ERICH6: variants seen among roughly 807,000 people sequenced by gnomAD.
ERICH6 encodes the protein glutamate-rich protein 6.
ERICH6 carries 71 observed loss-of-function variants against 71.0 expected under a neutral mutation model. The ratio of observed to expected loss-of-function variants is 1.00; its 90% CI spans 0.83 to 1.22. The LOEUF is 1.22. Among genes scored for constraint, ERICH6 ranks in the 50% most tolerant of loss-of-function variants. ERICH6 has a pLI of 0.00. For missense variants in ERICH6, 808 were observed against 797.2 expected (o/e 1.01, Z -0.16); for synonymous variants, 262 against 278.4 (o/e 0.94, Z 0.59).
intron 11 of ERICH6, among the ~76,000 whole-genome samples, chr3:150,672,792 G>A (rs57761942): frequency 0.21 from 32,273 of 151,136 alleles, 4,234 homozygotes; most frequent in African/African-American, 0.38. Context: ...TGGGAGACTG[G>A]GGTGGGAGGA....
chr3:150,699,470 A>C (rs542084262), intron 2 of ERICH6, among the ~76,000 whole-genome samples: 32 of 152,320 alleles, frequency 2.1e-4, no homozygotes, highest in African/African-American at 6.3e-4. Flanking sequence ...GGATCATAGC[A>C]GACTCTCCTA....
chr3:150,678,448 C>A lies in ERICH6; in HGVS notation c.1218G>T (p.Met406Ile), dbSNP rs1711746310. 1 of 1,601,290 alleles carries A rather than the reference C, an allele frequency of 6.2e-7. No homozygotes were observed. Among genetic ancestry groups the A allele is most frequent in the Non-Finnish European group, 8.5e-7 (1 of 1,176,414 alleles). ...TCCGAGAATCACAACAAATGATAGA[C>A]ATGTTACTGTTTCTTAGTTGAAAAT... ...VFDFQLRNSN[M>I]SIICCDSRIA... is the part of the protein sequence containing the mutation. The change falls in exon 10 of 14, where the codon ATG becomes ATT. Residue 406 changes from methionine to isoleucine, a missense_variant. Physicochemically the swap from Met to Ile is conservative, Grantham distance 10 (BLOSUM62 1). Coordinates refer to ENST00000295910, the MANE Select transcript of ERICH6 (RefSeq NM_152394.5).
intron 2 of ERICH6, among the ~76,000 whole-genome samples, chr3:150,699,637 G>C (rs73004855): frequency 0.018 from 2,628 of 148,990 alleles, 72 homozygotes; most frequent in African/African-American, 0.06. Context: ...GAAATAAACA[G>C]AACAATTGAC....
intron 3 of ERICH6, among the ~76,000 whole-genome samples, chr3:150,687,333 C>T (rs1217181976): frequency 6.6e-6 from 1 of 152,170 alleles, no homozygotes; most frequent in Non-Finnish European, 1.5e-5. Flanking sequence ...TTGATTATTT[C>T]AGAAATTTCC....
chr3:150,685,343 C>A (rs1712136839), intron 6 of ERICH6, among the ~76,000 whole-genome samples: 1 of 152,118 alleles, frequency 6.6e-6, no homozygotes, highest in Admixed American at 6.6e-5. Context: ...TGGACCCAGA[C>A]ACACAGAGAG....
chr3:150,661,678 T>C (rs1331408554), intron 13 of ERICH6, among the ~76,000 whole-genome samples: 1 of 152,180 alleles, frequency 6.6e-6, no homozygotes, highest in Non-Finnish European at 1.5e-5. Flanking sequence ...TTATAAAAGA[T>C]ATGTTAATTT....
chr3:150,660,601 C>T (rs1182616845), intron 13 of ERICH6, among the ~76,000 whole-genome samples: 3 of 152,120 alleles, frequency 2.0e-5, no homozygotes, highest in African/African-American at 7.2e-5. Context: ...TAAATGTGCC[C>T]CAACCTCCAG....
intron 13 of ERICH6, among the ~76,000 whole-genome samples, chr3:150,662,186 G>A (rs1011505806): frequency 6.6e-6 from 1 of 152,158 alleles, no homozygotes; most frequent in African/African-American, 2.4e-5. Flanking sequence ...ACTAGGGCGC[G>A]TAATGGGAAC....
rs1711536783 is a variant in ERICH6, at chr3:150,673,422, C to G, written c.1343+534G>C. Among the ~76,000 whole-genome samples the G allele has an allele frequency of 3.3e-5, 5 of 152,278 alleles. No homozygotes were observed. The South Asian group carries it at 1.0e-3, about 32-fold the overall frequency. ...CAGGCTGATCTCAAACCCCTGGGCT[C>G]AAGTAATCCTCCTGCCTCAGCCTCC... On this transcript the variant is annotated intron_variant, in intron 11 of 13. Coordinates refer to ENST00000295910, the MANE Select transcript of ERICH6 (RefSeq NM_152394.5).
chr3:150,686,969 C>T (rs975845049), intron 3 of ERICH6, among the ~76,000 whole-genome samples: 1 of 152,008 alleles, frequency 6.6e-6, no homozygotes, highest in Non-Finnish European at 1.5e-5. Context: ...TCAGGAGTTC[C>T]AGACCAGCCT....
At chr3:150,679,990 C>T (rs555736730) in intron 9 of ERICH6, among the ~76,000 whole-genome samples, 5 of 152,090 alleles carry the variant, frequency 3.3e-5, no homozygotes, top group Admixed American at 2.6e-4. Context: ...TTTTCCATAT[C>T]CAAGCTTGAA....
intron 11 of ERICH6, among the ~76,000 whole-genome samples, chr3:150,671,677 A>T (rs1311471902): frequency 6.6e-6 from 1 of 152,188 alleles, no homozygotes; most frequent in Non-Finnish European, 1.5e-5. Flanking sequence ...CCCAGGTCAG[A>T]GTGCAATGGC....
Position 150,703,632 on chromosome 3 carries a change from G to A in ERICH6, c.267C>T (p.Asp89=), listed in dbSNP as rs17281287. 724,748 of 1,613,424 alleles carry A rather than the reference G, an allele frequency of 0.45. 168,416 individuals are homozygous for A. The highest frequency in any genetic ancestry group is 0.48 in the Non-Finnish European group (566,960 of 1,179,766). ...WKVTDIGDYD[D]DFPDVRPRLA... ...AGCGGGGGCGCACGTCTGGGAAGTCGTCGTCGTAGTCACCGATGTCCGTGA... is the reference window on the plus strand; with the variant it reads ...AGCGGGGGCGCACGTCTGGGAAGTCATCGTCGTAGTCACCGATGTCCGTGA... The change falls in exon 1 of 14, where the codon GAC becomes GAT. Residue 89 remains aspartate, a synonymous_variant. Coordinates refer to ENST00000295910, the MANE Select transcript of ERICH6 (RefSeq NM_152394.5).
intron 10 of ERICH6, among the ~76,000 whole-genome samples, chr3:150,677,171 G>A (rs1448002948): frequency 1.3e-5 from 2 of 152,004 alleles, no homozygotes; most frequent in Admixed American, 6.6e-5. Context: ...TCAAACTCCT[G>A]GCCTCAAATG....
intron 1 of ERICH6, 50 bp downstream of exon 1, chr3:150,703,446 C>T (rs1252705258): frequency 6.7e-7 from 1 of 1,501,052 alleles, no homozygotes; most frequent in East Asian, 2.3e-5. Flanking sequence ...GGACCAGGTG[C>T]CCCCTGGAGA....
intron 3 of ERICH6, among the ~76,000 whole-genome samples, chr3:150,687,987 T>C (rs927132847): frequency 1.3e-5 from 2 of 152,072 alleles, no homozygotes; most frequent in Non-Finnish European, 2.9e-5. Context: ...CTGGTTGTGG[T>C]GGTGCATGCC....
intron 3 of ERICH6, among the ~76,000 whole-genome samples, chr3:150,687,156 T>C (rs538296551): frequency 6.6e-6 from 1 of 152,210 alleles, no homozygotes; most frequent in South Asian, 2.1e-4. Context: ...AAATTAAGGG[T>C]TATTTGAACA....
chr3:150,678,104 G>C (rs1167135239), intron 10 of ERICH6, among the ~76,000 whole-genome samples: 1 of 152,150 alleles, frequency 6.6e-6, no homozygotes, highest in African/African-American at 2.4e-5. Context: ...AGAAAATATT[G>C]AAATATTAAT....
intron 10 of ERICH6, among the ~76,000 whole-genome samples, chr3:150,675,683 G>A (rs892922998): frequency 2.6e-5 from 4 of 151,236 alleles, no homozygotes; most frequent in Admixed American, 6.6e-5. Context: ...TTTTAACTGG[G>A]TATAGAATTC....
Sources: allele counts gnomAD v4.1 joint callset (sites outside exome capture counted in the v4.1 genomes callset), GRCh38; gene constraint gnomAD v4.1.1; transcripts MANE v1.5; gene names NCBI Gene and HGNC (gene_info 2026-07-23, HGNC 2026-07-21).